The following TJP1 variants were observed in gnomAD, a reference collection of about 807,000 sequenced individuals.
The protein encoded by TJP1 is tight junction protein 1.
TJP1 carries 43 observed loss-of-function variants against 194.2 expected under a neutral mutation model. That is an observed-to-expected ratio of 0.22 (90% confidence interval 0.17 to 0.29). TJP1 has a LOEUF of 0.29. Ranked by LOEUF, TJP1 falls within the 10% of genes least tolerant of loss-of-function variation. The pLI is 1.00. For missense variants in TJP1, 1,971 were observed against 2,185.7 expected (o/e 0.90, Z 1.96); for synonymous variants, 801 against 779.0 (o/e 1.03, Z -0.47).
intron 2 of TJP1, among the ~76,000 whole-genome samples, chr15:29,941,802 A>G (rs1369771523): frequency 6.6e-6 from 1 of 152,084 alleles, no homozygotes; most frequent in African/African-American, 2.4e-5. Context: ...AAGGCAGACA[A>G]GATGATGACA....
At chr15:29,723,316 C>G (rs568077726) in intron 18 of TJP1, among the ~76,000 whole-genome samples, 46 of 152,276 alleles carry the variant, frequency 3.0e-4, no homozygotes, top group African/African-American at 1.1e-3. Context: ...AATGGTTTAG[C>G]ACCATCCCCC....
intron 1 of TJP1, among the ~76,000 whole-genome samples, chr15:29,960,631 G>A (rs1347692787): frequency 1.7e-5 from 2 of 116,956 alleles, no homozygotes; most frequent in African/African-American, 7.2e-5. Flanking sequence ...GTGAGACCAT[G>A]TCTCAAAAAA....
At chr15:29,949,405 A>C (rs1341791084) in intron 2 of TJP1, among the ~76,000 whole-genome samples, 228 of 49,930 alleles carry the variant, frequency 4.6e-3, no homozygotes, top group South Asian at 6.9e-3. Flanking sequence ...CCACCTCCAC[A>C]ACCACCACCT....
At chr15:29,948,333 CTCCTGT>C (rs551585082) in intron 2 of TJP1, among the ~76,000 whole-genome samples, 265 of 151,416 alleles carry the variant, frequency 1.8e-3, no homozygotes, top group African/African-American at 6.0e-3. Context: ...TATTTATTTG[CTCCTGT>C]CCTAAACAGT....
chr15:29,918,280 G>A (rs935875477), intron 2 of TJP1, among the ~76,000 whole-genome samples: 4 of 152,140 alleles, frequency 2.6e-5, no homozygotes, highest in African/African-American at 9.7e-5. Context: ...GAATATCGCC[G>A]CTATGAAATT....
chr15:29,892,962 T>C lies in TJP1; in HGVS notation c.306+63270A>G, dbSNP rs1036349319. Among the ~76,000 whole-genome samples, 9 of 152,368 alleles carry C rather than the reference T, an allele frequency of 5.9e-5. 1 individual carries two copies. Among genetic ancestry groups the C allele is most frequent in the Admixed American group, 5.2e-4 (8 of 15,310 alleles). ...ACATTTTATGAGGCTATAGCTGCCA[T>C]ACATAGTGATTTCTCTGATGGATCT... On this transcript the variant is annotated intron_variant, in intron 2 of 28. Coordinates refer to the TJP1 transcript ENST00000356107.
chr15:29,732,134 G>A (rs1434446368), intron 15 of TJP1: 2 of 296,470 alleles, frequency 6.7e-6, no homozygotes, highest in Non-Finnish European at 1.3e-5. Flanking sequence ...CTACTCAACT[G>A]TAACATGGAT....
chr15:29,822,092 C>T lies in TJP1; in HGVS notation c.-64G>A. 1.6e-6 allele frequency: 2 copies of T among 1,240,936 alleles called. No individual in the cohort carries two copies. Among genetic ancestry groups the T allele is most frequent in the Non-Finnish European group, 2.0e-6 (2 of 991,480 alleles). The allele number at this position is 1,240,936 out of a possible 1,614,324, so 76.9% of individuals were successfully genotyped here. On this transcript the variant is annotated 5_prime_UTR_variant, in exon 1 of 28. Transcript: ENST00000614355. ...CGAAACTCCGCGGCGCTGGCCCGCC[C>T]GCTCCTCACGCCACAGCCCAAATAA...
At chr15:29,875,997 C>A (rs535111973) in intron 2 of TJP1, among the ~76,000 whole-genome samples, 1 of 152,156 alleles carries the variant, frequency 6.6e-6, no homozygotes, top group African/African-American at 2.4e-5. Flanking sequence ...GCTAGCCACA[C>A]GTGACTAATT....
chr15:29,866,084 A>C (rs1458222862), intron 2 of TJP1, among the ~76,000 whole-genome samples: 1 of 152,222 alleles, frequency 6.6e-6, no homozygotes, highest in Non-Finnish European at 1.5e-5. Flanking sequence ...TTTGATGTAA[A>C]TGCAGCTTTA....
At chr15:29,704,898 G>A (rs1333730369) in intron 26 of TJP1, among the ~76,000 whole-genome samples, 3 of 152,092 alleles carry the variant, frequency 2.0e-5, no homozygotes, top group Non-Finnish European at 2.9e-5. Flanking sequence ...TCAGTATTCC[G>A]GCAAAATACA....
chr15:29,816,016 C>T (rs927821832), intron 1 of TJP1, among the ~76,000 whole-genome samples: 1 of 145,678 alleles, frequency 6.9e-6, no homozygotes. Flanking sequence ...GGTGTCTTTC[C>T]TTTTTTTTTT....
chr15:29,800,185 C>G (rs2048692199), intron 2 of TJP1, among the ~76,000 whole-genome samples: 1 of 152,200 alleles, frequency 6.6e-6, no homozygotes, highest in Non-Finnish European at 1.5e-5. Context: ...CTTACTACTA[C>G]TCATCTCTCT....
chr15:29,778,768 T>A (rs1237819225), intron 2 of TJP1, among the ~76,000 whole-genome samples: 1 of 152,156 alleles, frequency 6.6e-6, no homozygotes, highest in Non-Finnish European at 1.5e-5. Context: ...CTTATCAATC[T>A]TGCAAGCTTC....
chr15:29,944,409 T>C (rs1019502452), intron 2 of TJP1, among the ~76,000 whole-genome samples: 1 of 152,090 alleles, frequency 6.6e-6, no homozygotes, highest in South Asian at 2.1e-4. Flanking sequence ...CTTTTTAGTA[T>C]CACAATTTTG....
intron 2 of TJP1, among the ~76,000 whole-genome samples, chr15:29,899,915 G>C (rs2053586443): frequency 6.6e-6 from 1 of 152,174 alleles, no homozygotes; most frequent in Non-Finnish European, 1.5e-5. Context: ...TAGGTACTGA[G>C]GATACAGCAG....
At chr15:29,962,761 A>G (rs1424330315) in intron 1 of TJP1, among the ~76,000 whole-genome samples, 1 of 152,360 alleles carries the variant, frequency 6.6e-6, no homozygotes, top group East Asian at 1.9e-4. Flanking sequence ...AAAGCTTAAT[A>G]ACTCATGTAA....
At chr15:29,944,317 G>A (rs1235909282) in intron 2 of TJP1, among the ~76,000 whole-genome samples, 3 of 151,642 alleles carry the variant, frequency 2.0e-5, no homozygotes, top group Non-Finnish European at 4.4e-5. Context: ...GGATGGTCTC[G>A]ACCTCCTGAC....
chr15:29,917,674 T>G (rs532318035), intron 2 of TJP1, among the ~76,000 whole-genome samples: 1 of 152,164 alleles, frequency 6.6e-6, no homozygotes, highest in South Asian at 2.1e-4. Context: ...GGGGAGTGAA[T>G]GAATGCCAGC....
Sources: allele counts gnomAD v4.1 joint callset (sites outside exome capture counted in the v4.1 genomes callset), GRCh38; gene constraint gnomAD v4.1.1; transcripts MANE v1.5; gene names NCBI Gene and HGNC (gene_info 2026-07-23, HGNC 2026-07-21).